COL28A1: variants seen among roughly 807,000 people sequenced by gnomAD.
COL28A1 encodes collagen type XXVIII alpha 1 chain, also known as collagen alpha-1(XXVIII) chain.
A neutral mutation model predicts 150.2 loss-of-function variants in COL28A1; 161 were observed. The observed-to-expected ratio is 1.07, with a 90% confidence interval of 0.94 to 1.22. COL28A1 has a LOEUF of 1.22. Among genes scored for constraint, COL28A1 ranks in the 50% most tolerant of loss-of-function variants. The pLI, the probability that COL28A1 is intolerant of heterozygous loss-of-function variation, is 0.00. For synonymous variants in COL28A1, 552 were observed against 469.7 expected, an observed-to-expected ratio of 1.18 and a Z score of -2.26; for missense variants, 1,617 against 1,388.3, an observed-to-expected ratio of 1.16 and a Z score of -2.62.
At chr7:7,412,352 T>A (rs1351224179) in intron 27 of COL28A1, among the ~76,000 whole-genome samples, 1 of 152,106 alleles carries the variant, frequency 6.6e-6, no homozygotes, top group Non-Finnish European at 1.5e-5. Flanking sequence ...GACGGTTATG[T>A]GAGCAAAACC....
intron 30 of COL28A1, 24 bp from the exon 31 acceptor site, chr7:7,375,521 A>C (rs749804992): frequency 7.0e-7 from 1 of 1,436,414 alleles, no homozygotes. Context: ...AGAAAAATGT[A>C]TTACTATATG....
Position 7,530,473 on chromosome 7 carries a change from G to A in COL28A1, c.681+875C>T, listed in dbSNP as rs17522077. 6.8e-3 allele frequency among the ~76,000 whole-genome samples: 1,043 copies of A among 152,264 alleles called. 10 individuals are homozygous for A. Among genetic ancestry groups the A allele is most frequent in the East Asian group, 0.014 (71 of 5,180 alleles). On this transcript the variant is annotated intron_variant, in intron 3 of 34. Coordinates refer to ENST00000399429, the MANE Select transcript of COL28A1 (RefSeq NM_001037763.3). ...GCTGTAGAAAACAGCCATATGAAACGCTCAGTACATAAAGGACACCTTTGC... is the reference window on the plus strand; with the variant it reads ...GCTGTAGAAAACAGCCATATGAAACACTCAGTACATAAAGGACACCTTTGC...
intron 25 of COL28A1, among the ~76,000 whole-genome samples, chr7:7,423,959 G>C (rs1784515812): frequency 6.6e-6 from 1 of 152,142 alleles, no homozygotes. Flanking sequence ...AATTTAAGAT[G>C]TGTTCCATGT....
chr7:7,362,884 T>G (rs1780742898), intron 33 of COL28A1, among the ~76,000 whole-genome samples: 1 of 152,168 alleles, frequency 6.6e-6, no homozygotes, highest in Non-Finnish European at 1.5e-5. Context: ...TTTATAGAGA[T>G]AGGGTCTCGC....
At chr7:7,530,431 C>T (rs114424196) in intron 3 of COL28A1, among the ~76,000 whole-genome samples, 3,293 of 152,204 alleles carry the variant, frequency 0.022, 117 homozygotes, top group African/African-American at 0.068. Context: ...GAAATAGAGC[C>T]TGAGTTTTCT....
At chr7:7,427,512 G>T (rs1011137207) in intron 25 of COL28A1, among the ~76,000 whole-genome samples, 3 of 152,162 alleles carry the variant, frequency 2.0e-5, no homozygotes, top group African/African-American at 7.2e-5. Context: ...CATTCCTAAT[G>T]CATCTCTGTG....
At chr7:7,528,217 G>A (rs768811669) in intron 3 of COL28A1, among the ~76,000 whole-genome samples, 2 of 151,854 alleles carry the variant, frequency 1.3e-5, no homozygotes, top group Admixed American at 6.6e-5. Context: ...GGCAATAGAG[G>A]GAAAAAATTG....
chr7:7,396,025 G>A lies in COL28A1; in HGVS notation c.2137-14413C>T, dbSNP rs145656936. Among the ~76,000 whole-genome samples, 278 of 152,298 alleles carry A rather than the reference G, an allele frequency of 1.8e-3. 6 individuals are homozygous for A. In the East Asian group the frequency reaches 0.031, roughly 17 times the overall value. ...AACAAGTATTTGGCCTGGAATCCAC[G>A]AACTACCTTTGTTTTGAAAGGGATC... On this transcript the variant is annotated intron_variant, in intron 27 of 34. Transcript: ENST00000399429.
intron 15 of COL28A1, among the ~76,000 whole-genome samples, chr7:7,465,018 G>T (rs1354549796): frequency 2.6e-5 from 4 of 152,120 alleles, no homozygotes; most frequent in Non-Finnish European, 5.9e-5. Context: ...ATCATTCAAG[G>T]CTACTATGAA....
intron 16 of COL28A1, among the ~76,000 whole-genome samples, chr7:7,454,947 C>T (rs1174089433): frequency 1.3e-5 from 2 of 152,128 alleles, no homozygotes; most frequent in African/African-American, 2.4e-5. Context: ...AGACTAGGAC[C>T]TCTGCCAATG....
At chr7:7,433,436 C>T (rs767287006) in intron 23 of COL28A1, among the ~76,000 whole-genome samples, 17 of 151,996 alleles carry the variant, frequency 1.1e-4, no homozygotes, top group Non-Finnish European at 2.2e-4. Flanking sequence ...GAGTTCAAGA[C>T]CAGCCTGGCC....
intron 10 of COL28A1, 75 bp downstream of exon 10, chr7:7,507,042 A>G: frequency 1.3e-6 from 1 of 779,508 alleles, no homozygotes; most frequent in East Asian, 2.6e-5. Flanking sequence ...AGAGGGTGCA[A>G]GTGGGCAAGG....
intron 11 of COL28A1, among the ~76,000 whole-genome samples, chr7:7,495,666 C>T (rs1780168008): frequency 6.6e-6 from 1 of 152,012 alleles, no homozygotes; most frequent in Admixed American, 6.6e-5. Context: ...ATCAGTATGC[C>T]TCCTAAATAT....
At chr7:7,384,862 T>G (rs529626064) in intron 27 of COL28A1, among the ~76,000 whole-genome samples, 1 of 152,260 alleles carries the variant, frequency 6.6e-6, no homozygotes, top group East Asian at 1.9e-4. Flanking sequence ...GGAGAAAAAT[T>G]TGTCCTGTTT....
At chr7:7,425,975 C>G (rs1382251470) in intron 25 of COL28A1, among the ~76,000 whole-genome samples, 1 of 152,172 alleles carries the variant, frequency 6.6e-6, no homozygotes, top group Non-Finnish European at 1.5e-5. Flanking sequence ...CCCCCACACA[C>G]TAATGAGGCT....
intron 25 of COL28A1, among the ~76,000 whole-genome samples, chr7:7,427,333 C>A (rs981866554): frequency 6.6e-6 from 1 of 152,150 alleles, no homozygotes; most frequent in Non-Finnish European, 1.5e-5. Context: ...ATTGTCCAGG[C>A]TGAAGCAATT....
intron 27 of COL28A1, among the ~76,000 whole-genome samples, chr7:7,398,279 T>TA (rs375241999): frequency 6.6e-4 from 100 of 152,334 alleles, no homozygotes; most frequent in African/African-American, 2.2e-3. Context: ...TCTCAATACT[T>TA]ACAGTCAAAT....
At chr7:7,511,551 T>A (rs1781136124) in intron 8 of COL28A1, 2 of 305,602 alleles carry the variant, frequency 6.5e-6, no homozygotes, top group African/African-American at 2.2e-5. Context: ...TTTCCCTCTA[T>A]CAAATAGCTA....
At chr7:7,404,588 A>T (rs1783394956) in intron 27 of COL28A1, among the ~76,000 whole-genome samples, 1 of 151,996 alleles carries the variant, frequency 6.6e-6, no homozygotes, top group Admixed American at 6.6e-5. Context: ...TCCCTAAGAA[A>T]TCCACAAGGC....
Sources: allele counts gnomAD v4.1 joint callset (sites outside exome capture counted in the v4.1 genomes callset), GRCh38; gene constraint gnomAD v4.1.1; transcripts MANE v1.5; gene names NCBI Gene and HGNC (gene_info 2026-07-23, HGNC 2026-07-21).